CCSER1: variants seen among roughly 807,000 people sequenced by gnomAD.
CCSER1 encodes serine-rich coiled-coil domain-containing protein 1.
CCSER1 carries 41 observed loss-of-function variants against 82.0 expected under a neutral mutation model. That is an observed-to-expected ratio of 0.50 (90% confidence interval 0.39 to 0.65). The LOEUF (loss-of-function observed/expected upper bound fraction) is 0.65, where lower values mean the gene tolerates loss of function less well. Ranked by LOEUF, CCSER1 falls within the 30% of genes least tolerant of loss-of-function variation. CCSER1 has a pLI of 0.00. For missense variants in CCSER1, 1,119 were observed against 1,064.2 expected (o/e 1.05, Z -0.72); for synonymous variants, 414 against 383.9 (o/e 1.08, Z -0.92).
At chr4:91,138,931 T>C (rs1185497466) in intron 10 of CCSER1, among the ~76,000 whole-genome samples, 1 of 152,190 alleles carries the variant, frequency 6.6e-6, no homozygotes, top group African/African-American at 2.4e-5. Context: ...GTTTGTTACA[T>C]GGGCATATGG....
At chr4:90,825,423 T>TTTG (rs1190040608) in intron 8 of CCSER1, among the ~76,000 whole-genome samples, 1 of 152,154 alleles carries the variant, frequency 6.6e-6, no homozygotes, top group African/African-American at 2.4e-5. Context: ...CTTAGAGTAA[T>TTTG]TTAACAAACG....
At chr4:90,762,548 C>A (rs1750568267) in intron 7 of CCSER1, among the ~76,000 whole-genome samples, 1 of 152,108 alleles carries the variant, frequency 6.6e-6, no homozygotes, top group African/African-American at 2.4e-5. Context: ...GCACTACCAA[C>A]CAAAACAGTT....
chr4:91,167,735 A>C (rs975527793), intron 10 of CCSER1, among the ~76,000 whole-genome samples: 1 of 152,218 alleles, frequency 6.6e-6, no homozygotes, highest in Non-Finnish European at 1.5e-5. Context: ...CTAAATTTAC[A>C]CAGCTGATTT....
At chr4:90,490,151 G>A (rs1467679335) in intron 5 of CCSER1, among the ~76,000 whole-genome samples, 1 of 152,102 alleles carries the variant, frequency 6.6e-6, no homozygotes, top group Non-Finnish European at 1.5e-5. Context: ...GTGTCAAAGT[G>A]TTCCTATTTC....
chr4:91,471,486 G>A (rs1757272545), intron 10 of CCSER1, among the ~76,000 whole-genome samples: 2 of 152,172 alleles, frequency 1.3e-5, no homozygotes, highest in East Asian at 1.9e-4. Flanking sequence ...CTACTCTCAC[G>A]GTTGTCATGA....
intron 9 of CCSER1, among the ~76,000 whole-genome samples, chr4:90,941,171 A>G (rs1664680132): frequency 6.6e-6 from 1 of 152,138 alleles, no homozygotes; most frequent in African/African-American, 2.4e-5. Flanking sequence ...ATATAGAGAA[A>G]TGCATGGAAG....
At chr4:90,144,337 T>A (rs533797365) in intron 1 of CCSER1, among the ~76,000 whole-genome samples, 1 of 152,320 alleles carries the variant, frequency 6.6e-6, no homozygotes, top group East Asian at 1.9e-4. Context: ...TGTTTCCTAT[T>A]AAATATGACA....
At position 90,844,305 on chromosome 4, in the gene CCSER1, T is replaced by G. The variant is rs142301019; in HGVS notation, c.2094+28460T>G. 6.4e-3 allele frequency among the ~76,000 whole-genome samples: 977 copies of G among 152,284 alleles called. 9 individuals are homozygous for G. Among genetic ancestry groups the G allele is most frequent in the African/African-American group, 0.022 (901 of 41,570 alleles). ...AGTTCTTAAATTATACTTGCTTTAC[T>G]GTGCATGTTAAAAAATAATATCTAA... On this transcript the variant is annotated intron_variant, in intron 8 of 10. Coordinates refer to ENST00000509176, the MANE Select transcript of CCSER1 (RefSeq NM_001145065.2).
chr4:90,911,169 C>A (rs1726283165), intron 8 of CCSER1: 2 of 406,744 alleles, frequency 4.9e-6, no homozygotes, highest in South Asian at 3.7e-5. Flanking sequence ...CATAAGAGTT[C>A]TTTTTATAAG....
chr4:90,528,084 T>C (rs1774018588), intron 5 of CCSER1, among the ~76,000 whole-genome samples: 1 of 152,212 alleles, frequency 6.6e-6, no homozygotes, highest in Non-Finnish European at 1.5e-5. Context: ...TGCTTCATAT[T>C]TGATTTATGC....
At chr4:90,498,242 A>T (rs1028993461) in intron 5 of CCSER1, among the ~76,000 whole-genome samples, 1 of 152,184 alleles carries the variant, frequency 6.6e-6, no homozygotes, top group Non-Finnish European at 1.5e-5. Context: ...ATTAAATAGA[A>T]CAATAATAAC....
chr4:91,037,546 T>C (rs1325888153), intron 9 of CCSER1, among the ~76,000 whole-genome samples: 2 of 151,696 alleles, frequency 1.3e-5, no homozygotes, highest in Non-Finnish European at 2.9e-5. Context: ...CACTAATCTT[T>C]TCTTATCGAG....
chr4:90,806,866 CT>C (rs11412984), intron 7 of CCSER1, among the ~76,000 whole-genome samples: 35 of 146,740 alleles, frequency 2.4e-4, no homozygotes, highest in Middle Eastern at 3.6e-3. Context: ...GAATCCTCTT[CT>C]TTTTTTTTTT....
At chr4:90,567,875 G>A (rs1779595422) in intron 5 of CCSER1, among the ~76,000 whole-genome samples, 1 of 152,028 alleles carries the variant, frequency 6.6e-6, no homozygotes, top group Admixed American at 6.6e-5. Flanking sequence ...CCAAAGTGCT[G>A]GAATCATAGG....
intron 4 of CCSER1, among the ~76,000 whole-genome samples, chr4:90,434,140 C>A (rs1171044277): frequency 1.3e-5 from 2 of 151,966 alleles, no homozygotes; most frequent in Non-Finnish European, 2.9e-5. Flanking sequence ...TTGTCCTTAA[C>A]AGAATTCTAG....
At chr4:90,629,519 C>T (rs1233802784) in intron 6 of CCSER1, among the ~76,000 whole-genome samples, 1 of 152,174 alleles carries the variant, frequency 6.6e-6, no homozygotes, top group Non-Finnish European at 1.5e-5. Context: ...ACCATGAGAA[C>T]TGTATGTGGG....
At chr4:90,853,734 C>T (rs1000464032) in intron 8 of CCSER1, among the ~76,000 whole-genome samples, 7 of 152,088 alleles carry the variant, frequency 4.6e-5, no homozygotes, top group African/African-American at 1.7e-4. Context: ...AGGAATAATA[C>T]ATAGTGTTTC....
intron 10 of CCSER1, among the ~76,000 whole-genome samples, chr4:91,424,360 T>G (rs1265031253): frequency 1.3e-5 from 2 of 152,018 alleles, no homozygotes; most frequent in African/African-American, 4.8e-5. Context: ...TCTGCGGAAT[T>G]TGGGTTGGTT....
intron 8 of CCSER1, among the ~76,000 whole-genome samples, chr4:90,831,190 C>T (rs914143547): frequency 9.2e-5 from 14 of 151,888 alleles, no homozygotes; most frequent in African/African-American, 3.1e-4. Context: ...GTGTGATATG[C>T]GAAGAGATGC....
Sources: gnomAD v4.1 joint callset for allele counts (sites outside exome capture counted in the v4.1 genomes callset) on GRCh38, gnomAD v4.1.1 for gene constraint, MANE v1.5 for transcripts, NCBI Gene and HGNC (gene_info 2026-07-23, HGNC 2026-07-21) for gene names.